WWOX: variants seen among roughly 807,000 people sequenced by gnomAD.
WWOX encodes WW domain containing oxidoreductase, also known as WW domain-containing oxidoreductase.
Under a neutral mutation model 46.2 loss-of-function variants are expected in WWOX, and 69 were observed. The observed-to-expected ratio is 1.49, with a 90% confidence interval of 1.23 to 1.82. The LOEUF is 1.82. WWOX is among the 40% of genes most tolerant of loss of function. The probability of loss-of-function intolerance (pLI) is 0.00; values close to 1 mark genes in which losing one functional copy is unlikely to be tolerated. For missense variants in WWOX, 919 were observed against 542.6 expected (o/e 1.69, Z -6.89); for synonymous variants, 359 against 202.6 (o/e 1.77, Z -6.56).
At chr16:79,021,802 A>G (rs2047539050) in intron 8 of WWOX, among the ~76,000 whole-genome samples, 1 of 152,166 alleles carries the variant, frequency 6.6e-6, no homozygotes, top group African/African-American at 2.4e-5. Context: ...AGACCCTCAG[A>G]TTAAGGAGTC....
chr16:78,354,228 AC>A (rs1218278409), intron 5 of WWOX, among the ~76,000 whole-genome samples: 1 of 135,554 alleles, frequency 7.4e-6, no homozygotes, highest in African/African-American at 2.7e-5. Flanking sequence ...CCACCCCAGC[AC>A]CCCCCCACCC....
intron 5 of WWOX, among the ~76,000 whole-genome samples, chr16:78,313,331 C>CT (rs2151876799): frequency 6.6e-6 from 1 of 152,270 alleles, no homozygotes; most frequent in East Asian, 1.9e-4. Context: ...ACAGTGCTGG[C>CT]TTATAGCAAG....
At chr16:78,847,564 G>A (rs1041901357) in intron 8 of WWOX, among the ~76,000 whole-genome samples, 1 of 151,872 alleles carries the variant, frequency 6.6e-6, no homozygotes, top group Non-Finnish European at 1.5e-5. Context: ...AAAGTCCTGG[G>A]CTCAAGCGAT....
intron 5 of WWOX, among the ~76,000 whole-genome samples, chr16:78,280,299 A>G (rs2079653302): frequency 6.6e-6 from 1 of 152,212 alleles, no homozygotes; most frequent in South Asian, 2.1e-4. Flanking sequence ...TGTAGTTGTA[A>G]TGATAGATAT....
intron 1 of WWOX, 186 bp downstream of exon 1, chr16:78,100,071 G>C (rs1259997392): frequency 2.2e-5 from 30 of 1,392,366 alleles, no homozygotes; most frequent in Non-Finnish European, 2.7e-5. Flanking sequence ...GGTGGGCCTC[G>C]GGTCCAGCGG....
At chr16:79,093,543 C>T (rs2049007163) in intron 8 of WWOX, among the ~76,000 whole-genome samples, 3 of 151,978 alleles carry the variant, frequency 2.0e-5, no homozygotes, top group Admixed American at 2.0e-4. Context: ...GTCACAGTGG[C>T]TCAGCCACCA....
chr16:78,300,705 C>T (rs2080024967), intron 5 of WWOX, among the ~76,000 whole-genome samples: 1 of 152,106 alleles, frequency 6.6e-6, no homozygotes, highest in Non-Finnish European at 1.5e-5. Context: ...AAATTTAAAT[C>T]CTTTACCATC....
intron 8 of WWOX, among the ~76,000 whole-genome samples, chr16:78,812,592 C>T (rs2051218671): frequency 6.6e-6 from 1 of 151,870 alleles, no homozygotes; most frequent in South Asian, 2.1e-4. Flanking sequence ...CAGGCCTAGG[C>T]GCAGGCACCT....
chr16:78,423,186 T>C (rs2082992288), intron 6 of WWOX, among the ~76,000 whole-genome samples: 1 of 152,124 alleles, frequency 6.6e-6, no homozygotes, highest in African/African-American at 2.4e-5. Context: ...TGCCTGCCCT[T>C]ATTTTTATAT....
chr16:78,448,807 T>C (rs1004101564), intron 8 of WWOX, among the ~76,000 whole-genome samples: 1 of 152,180 alleles, frequency 6.6e-6, no homozygotes, highest in African/African-American at 2.4e-5. Flanking sequence ...CTTTTTATCC[T>C]TTTATGGCTG....
At chr16:78,301,374 G>T (rs896419121) in intron 5 of WWOX, among the ~76,000 whole-genome samples, 3 of 152,112 alleles carry the variant, frequency 2.0e-5, no homozygotes, top group Non-Finnish European at 4.4e-5. Flanking sequence ...TGGATACTGT[G>T]TATACTACTA....
In WWOX at chr16:78,762,211, G is replaced by A. The variant is rs77526877; in HGVS notation, c.1056+329459G>A. Reference sequence around the variant, plus strand: ...AATCACAGACCCAGGAATTTCCTCAGCCAAGAGCATACAGCAGCTGTGTCT... The same window carrying A: ...AATCACAGACCCAGGAATTTCCTCAACCAAGAGCATACAGCAGCTGTGTCT... On this transcript the variant is annotated intron_variant, in intron 8 of 8. Coordinates refer to ENST00000566780, the MANE Select transcript of WWOX (RefSeq NM_016373.4). Among the ~76,000 whole-genome samples the A allele has an allele frequency of 1.3e-3, 191 of 152,262 alleles. 6 individuals are homozygous for A. In the East Asian group the frequency reaches 0.036, roughly 29 times the overall value.
At chr16:78,557,795 A>C (rs1380580761) in intron 8 of WWOX, among the ~76,000 whole-genome samples, 2 of 148,194 alleles carry the variant, frequency 1.3e-5, no homozygotes, top group Non-Finnish European at 3.0e-5. Context: ...TCCTGGGTTC[A>C]AACAATTCTC....
intron 8 of WWOX, among the ~76,000 whole-genome samples, chr16:79,060,439 C>T (rs2048338327): frequency 6.6e-6 from 1 of 152,208 alleles, no homozygotes; most frequent in Non-Finnish European, 1.5e-5. Flanking sequence ...TCTGATGCCA[C>T]TGAAGATGGA....
intron 8 of WWOX, among the ~76,000 whole-genome samples, chr16:78,638,719 T>C (rs1298066995): frequency 1.3e-5 from 2 of 152,154 alleles, no homozygotes; most frequent in African/African-American, 4.8e-5. Context: ...CATTAGAGCA[T>C]TAGAGCTTTT....
At chr16:78,337,184 G>A (rs1464961670) in intron 5 of WWOX, among the ~76,000 whole-genome samples, 2 of 152,190 alleles carry the variant, frequency 1.3e-5, no homozygotes, top group Non-Finnish European at 2.9e-5. Context: ...TATAACCTGT[G>A]TAAGACTGTG....
chr16:78,488,632 T>C (rs2084699736), intron 8 of WWOX, among the ~76,000 whole-genome samples: 1 of 152,134 alleles, frequency 6.6e-6, no homozygotes, highest in African/African-American at 2.4e-5. Context: ...ATGTCAGTGC[T>C]CTGAGCTCAT....
chr16:78,785,541 G>T (rs574517995), intron 8 of WWOX, among the ~76,000 whole-genome samples: 13 of 152,076 alleles, frequency 8.5e-5, no homozygotes, highest in Non-Finnish European at 1.5e-4. Context: ...AATATGGGTA[G>T]CATATAATTT....
chr16:78,148,302 G>A lies in WWOX; in HGVS notation c.410-15881G>A, dbSNP rs539169551. On this transcript the variant is annotated intron_variant, in intron 4 of 8. Coordinates refer to ENST00000566780, the MANE Select transcript of WWOX (RefSeq NM_016373.4). ...TGAGACCATGGGTGTGTGTGTGCACGTGTGTGCGCATGCCTGTGTGTGTCA... is the reference window on the plus strand; with the variant it reads ...TGAGACCATGGGTGTGTGTGTGCACATGTGTGCGCATGCCTGTGTGTGTCA... Among the ~76,000 whole-genome samples, 15 of 152,300 alleles carry A rather than the reference G, an allele frequency of 9.8e-5. No homozygotes were observed. In the South Asian group the frequency reaches 2.7e-3, roughly 27 times the overall value.
Sources: gnomAD v4.1 joint callset for allele counts (sites outside exome capture counted in the v4.1 genomes callset) on GRCh38, gnomAD v4.1.1 for gene constraint, MANE v1.5 for transcripts, NCBI Gene and HGNC (gene_info 2026-07-23, HGNC 2026-07-21) for gene names.